Variants in ITGA4 observed in about 807,000 individuals in gnomAD.
ITGA4 encodes the protein integrin alpha-4.
A neutral mutation model predicts 133.6 loss-of-function variants in ITGA4; 63 were observed. The observed-to-expected ratio is 0.47, with a 90% CI of 0.38 to 0.58. The LOEUF (loss-of-function observed/expected upper bound fraction) is 0.58, where lower values mean the gene tolerates loss of function less well. ITGA4 is among the 20% of genes least tolerant of loss of function. The pLI is 0.00. For missense variants in ITGA4, 1,076 were observed against 1,252.7 expected (o/e 0.86, Z 2.13); for synonymous variants, 483 against 438.0 (o/e 1.10, Z -1.28).
At chr2:181,531,541 T>C (rs1686945512) in intron 24 of ITGA4, 116 bp from the exon 25 acceptor site, 3 of 438,184 alleles carry the variant, frequency 6.8e-6, no homozygotes, top group South Asian at 6.6e-5. Context: ...TTCATATTTA[T>C]GGAAAGATGA....
chr2:181,532,000 C>T (rs1686955098), intron 25 of ITGA4, among the ~76,000 whole-genome samples: 1 of 152,170 alleles, frequency 6.6e-6, no homozygotes, highest in Admixed American at 6.5e-5. Flanking sequence ...ATAGGCCAGG[C>T]ACAGTGGCTC....
In ITGA4 at chr2:181,535,443, T is replaced by C; in HGVS notation, c.3015T>C (p.Phe1005=). The stretch of plus-strand genomic sequence containing the variant: ...TATGCTATTTTCAGGCTGGCTTCTT[T>C]AAAAGACAATACAAATCTATCCTAC... ...ISYVMWKAGF[F]KRQYKSILQE... The change falls in exon 28 of 28, where the codon TTT becomes TTC. Residue 1005 remains phenylalanine, a synonymous_variant. Coordinates refer to ENST00000397033, the MANE Select transcript of ITGA4 (RefSeq NM_000885.6). The C allele has an allele frequency of 6.2e-7, 1 of 1,606,836 alleles. No homozygotes were observed. The highest frequency in any genetic ancestry group is 8.5e-7 in the Non-Finnish European group (1 of 1,176,780).
intron 23 of ITGA4, among the ~76,000 whole-genome samples, chr2:181,529,965 G>T (rs1232357934): frequency 6.6e-6 from 1 of 152,146 alleles, no homozygotes; most frequent in African/African-American, 2.4e-5. Flanking sequence ...ACTTCTATTA[G>T]TAGAATTCTT....
intron 9 of ITGA4, among the ~76,000 whole-genome samples, chr2:181,483,470 G>T (rs1685849736): frequency 6.6e-6 from 1 of 152,170 alleles, no homozygotes; most frequent in African/African-American, 2.4e-5. Flanking sequence ...CAACAAAGTG[G>T]ACTCTGTTTC....
chr2:181,459,993 T>C (rs569384954), intron 2 of ITGA4, among the ~76,000 whole-genome samples: 6 of 152,316 alleles, frequency 3.9e-5, no homozygotes, highest in South Asian at 4.1e-4. Flanking sequence ...TGGGCATGTG[T>C]AGCATGGGAG....
At chr2:181,499,137 G>A (rs956770956) in intron 15 of ITGA4, among the ~76,000 whole-genome samples, 12 of 152,062 alleles carry the variant, frequency 7.9e-5, no homozygotes, top group African/African-American at 2.9e-4. Flanking sequence ...TTTTTGGGGT[G>A]GGTCAGGGGA....
chr2:181,475,984 C>G (rs950086445), intron 4 of ITGA4: 2 of 1,255,770 alleles, frequency 1.6e-6, no homozygotes, highest in African/African-American at 1.6e-5. Context: ...TCTAACCACC[C>G]TCACTCAAAA....
rs149396476 is a variant in ITGA4, at chr2:181,478,214, A to T, written c.557-543A>T. 1.7e-3 allele frequency among the ~76,000 whole-genome samples: 252 copies of T among 147,180 alleles called. 1 individual carries two copies. Among genetic ancestry groups the T allele is most frequent in the African/African-American group, 5.5e-3 (213 of 38,398 alleles). On this transcript the variant is annotated intron_variant, in intron 4 of 27. Transcript: ENST00000397033. The stretch of plus-strand genomic sequence containing the variant: ...AAGGTGAGCAGAGAGAGGGTTAGGA[A>T]TAGGAAGATGTTGGTGAAAGATGTT...
chr2:181,478,973 C>T (rs570048834), intron 5 of ITGA4, 149 bp downstream of exon 5: 2 of 421,886 alleles, frequency 4.7e-6, no homozygotes, highest in South Asian at 9.2e-5. Flanking sequence ...TTAATTTTTG[C>T]CACTCAAAAT....
At chr2:181,535,289 C>G (rs1687038355) in intron 27 of ITGA4, 143 bp from the exon 28 acceptor site, 1 of 644,736 alleles carries the variant, frequency 1.6e-6, no homozygotes, top group Non-Finnish European at 2.5e-6. Context: ...TACTGATTAC[C>G]TCTGTTAAAC....
At chr2:181,483,725 T>A (rs1685854014) in intron 9 of ITGA4, among the ~76,000 whole-genome samples, 1 of 152,224 alleles carries the variant, frequency 6.6e-6, no homozygotes, top group Non-Finnish European at 1.5e-5. Flanking sequence ...AATCTCATAG[T>A]AGTAATATCA....
At chr2:181,521,416 T>TACATAACCCAGATCTTC (rs1686718331) in intron 17 of ITGA4, among the ~76,000 whole-genome samples, 2 of 152,312 alleles carry the variant, frequency 1.3e-5, no homozygotes, top group South Asian at 4.1e-4. Flanking sequence ...TTATACAGTA[T>TACATAACCCAGATCTTC]ACATAACCCA....
Position 181,535,464 on chromosome 2 carries a change from C to A in ITGA4, c.3036C>A (p.Ile1012=). 6.2e-7 allele frequency: 1 copy of A among 1,609,602 alleles called. No homozygotes were observed. The highest frequency in any genetic ancestry group is 1.1e-5 in the South Asian group (1 of 90,462). ...AGFFKRQYKS[I]LQEENRRDSW... Reference sequence around the variant, plus strand: ...TCTTTAAAAGACAATACAAATCTATCCTACAAGAAGAAAACAGAAGAGACA... The same window carrying A: ...TCTTTAAAAGACAATACAAATCTATACTACAAGAAGAAAACAGAAGAGACA... The change falls in exon 28 of 28, where the codon ATC becomes ATA. Residue 1012 remains isoleucine, a synonymous_variant. Transcript: ENST00000397033.
chr2:181,473,003 C>T (rs1685591277), intron 2 of ITGA4, among the ~76,000 whole-genome samples: 2 of 152,356 alleles, frequency 1.3e-5, no homozygotes, highest in Non-Finnish European at 1.5e-5. Context: ...GTCCTCCTCC[C>T]TTCAGTCTAG....
At chr2:181,508,369 C>A (rs769376278) in intron 15 of ITGA4, among the ~76,000 whole-genome samples, 4 of 151,886 alleles carry the variant, frequency 2.6e-5, no homozygotes, top group Admixed American at 2.6e-4. Flanking sequence ...TTCAAGAGTT[C>A]TTTGTGAAGT....
chr2:181,521,992 T>G (rs746195479), intron 17 of ITGA4, among the ~76,000 whole-genome samples, 199 bp from the exon 18 acceptor site: 2 of 152,184 alleles, frequency 1.3e-5, no homozygotes, highest in Non-Finnish European at 2.9e-5. Context: ...GGTGACTGAA[T>G]TTATAAAAAA....
intron 2 of ITGA4, among the ~76,000 whole-genome samples, chr2:181,470,340 T>C (rs1685518201): frequency 6.6e-6 from 1 of 152,076 alleles, no homozygotes; most frequent in Non-Finnish European, 1.5e-5. Context: ...GTACTTTACG[T>C]ATGGCCCAAA....
intron 17 of ITGA4, among the ~76,000 whole-genome samples, chr2:181,517,604 C>T (rs1686632398): frequency 1.3e-5 from 2 of 152,080 alleles, no homozygotes; most frequent in Admixed American, 6.6e-5. Flanking sequence ...TCCAGATGTG[C>T]ACCTGGTTCT....
intron 2 of ITGA4, among the ~76,000 whole-genome samples, chr2:181,464,924 A>G (rs1685375797): frequency 6.6e-6 from 1 of 152,144 alleles, no homozygotes; most frequent in African/African-American, 2.4e-5. Context: ...TTCTCATTTT[A>G]CCTCTGAGAA....
Sources: gnomAD v4.1 joint callset for allele counts (sites outside exome capture counted in the v4.1 genomes callset) on GRCh38, gnomAD v4.1.1 for gene constraint, MANE v1.5 for transcripts, NCBI Gene and HGNC (gene_info 2026-07-23, HGNC 2026-07-21) for gene names.